Variants in KCND2 observed in about 807,000 individuals in gnomAD.
The protein encoded by KCND2 is A-type voltage-gated potassium channel KCND2.
Under a neutral mutation model 54.4 loss-of-function variants are expected in KCND2, and 16 were observed. The ratio of observed to expected loss-of-function variants is 0.29; its 90% CI spans 0.20 to 0.45. The LOEUF is 0.45. Ranked by LOEUF, KCND2 falls within the 20% of genes least tolerant of loss-of-function variation. KCND2 has a pLI of 1.00. For missense variants in KCND2, 486 were observed against 824.2 expected (o/e 0.59, Z 5.02); for synonymous variants, 317 against 310.7 (o/e 1.02, Z -0.21).
rs1799142930 is a variant in KCND2, at chr7:120,274,587, C to T, written c.-46C>T. ...GTGACTTTTGGCTGCTTCGGTGACC[C>T]ATTGTAGACGCCTCGTTACCCTTCT... On this transcript the variant is annotated 5_prime_UTR_variant, in exon 1 of 6. Transcript: ENST00000331113. 2 of 1,612,890 alleles carry T rather than the reference C, an allele frequency of 1.2e-6. No individual in the cohort carries two copies. The highest frequency in any genetic ancestry group is 3.3e-5 in the Admixed American group (2 of 60,002).
At chr7:120,421,350 G>T (rs1293064468) in intron 1 of KCND2, among the ~76,000 whole-genome samples, 1 of 152,194 alleles carries the variant, frequency 6.6e-6, no homozygotes, top group Non-Finnish European at 1.5e-5. Context: ...AATTTACCTA[G>T]AGATAATGAT....
intron 1 of KCND2, among the ~76,000 whole-genome samples, chr7:120,356,285 A>G (rs892757883): frequency 1.1e-4 from 17 of 152,162 alleles, no homozygotes; most frequent in Non-Finnish European, 2.1e-4. Flanking sequence ...CATTTTTTAC[A>G]AAGTCATGAA....
At chr7:120,304,777 G>T (rs1271435127) in intron 1 of KCND2, among the ~76,000 whole-genome samples, 1 of 151,906 alleles carries the variant, frequency 6.6e-6, no homozygotes, top group African/African-American at 2.4e-5. Context: ...GTTGAAACTA[G>T]CCATTGCACT....
intron 1 of KCND2, among the ~76,000 whole-genome samples, chr7:120,542,583 A>G (rs1791992702): frequency 6.6e-6 from 1 of 152,122 alleles, no homozygotes; most frequent in Non-Finnish European, 1.5e-5. Context: ...CCATTCATCC[A>G]TGTTCTATAT....
At chr7:120,716,259 A>G (rs1387597273) in intron 1 of KCND2, among the ~76,000 whole-genome samples, 1 of 152,152 alleles carries the variant, frequency 6.6e-6, no homozygotes, top group African/African-American at 2.4e-5. Context: ...CAAAAAAATG[A>G]ATAAAATTAG....
At chr7:120,609,251 C>T (rs1255007281) in intron 1 of KCND2, among the ~76,000 whole-genome samples, 6 of 152,068 alleles carry the variant, frequency 3.9e-5, no homozygotes, top group African/African-American at 1.4e-4. Context: ...CTTCCATTTC[C>T]CCTATGATAT....
chr7:120,588,679 CTG>C (rs968403149), intron 1 of KCND2, among the ~76,000 whole-genome samples: 2 of 152,124 alleles, frequency 1.3e-5, no homozygotes, highest in African/African-American at 2.4e-5. Flanking sequence ...GTGAAGAAAA[CTG>C]TGTTCAGTCA....
intron 1 of KCND2, among the ~76,000 whole-genome samples, chr7:120,693,032 C>T (rs1225739621): frequency 6.6e-6 from 1 of 152,076 alleles, no homozygotes; most frequent in African/African-American, 2.4e-5. Flanking sequence ...AAAAGATGAG[C>T]CAATGAAGCA....
intron 1 of KCND2, among the ~76,000 whole-genome samples, chr7:120,354,649 G>T (rs759149609): frequency 6.6e-6 from 1 of 152,208 alleles, no homozygotes; most frequent in Admixed American, 6.6e-5. Flanking sequence ...TTGAGGGGGA[G>T]GTGAGGTGGG....
chr7:120,668,625 G>T (rs948272233), intron 1 of KCND2, among the ~76,000 whole-genome samples: 8 of 151,978 alleles, frequency 5.3e-5, no homozygotes, highest in Non-Finnish European at 8.8e-5. Context: ...AATTTTAATA[G>T]AAATATGTTT....
At chr7:120,694,194 G>C (rs932467580) in intron 1 of KCND2, among the ~76,000 whole-genome samples, 6 of 152,118 alleles carry the variant, frequency 3.9e-5, no homozygotes, top group Non-Finnish European at 8.8e-5. Flanking sequence ...TGCAATAATT[G>C]TCTTCATTTC....
intron 1 of KCND2, among the ~76,000 whole-genome samples, chr7:120,605,815 C>G (rs1399380886): frequency 6.6e-6 from 1 of 152,160 alleles, no homozygotes; most frequent in African/African-American, 2.4e-5. Flanking sequence ...GTCCTTATGA[C>G]TAATGATATT....
At chr7:120,651,687 T>C (rs1791735818) in intron 1 of KCND2, among the ~76,000 whole-genome samples, 1 of 152,170 alleles carries the variant, frequency 6.6e-6, no homozygotes, top group Non-Finnish European at 1.5e-5. Flanking sequence ...AATGCGGAAA[T>C]CATCCATCTT....
chr7:120,336,025 T>C (rs1800146969), intron 1 of KCND2, among the ~76,000 whole-genome samples: 1 of 152,142 alleles, frequency 6.6e-6, no homozygotes, highest in South Asian at 2.1e-4. Context: ...ATGCAAAAAC[T>C]CAAAACCATA....
intron 1 of KCND2, among the ~76,000 whole-genome samples, chr7:120,629,338 T>C (rs1244779952): frequency 6.6e-6 from 1 of 152,076 alleles, no homozygotes; most frequent in African/African-American, 2.4e-5. Flanking sequence ...TACAAAAAAT[T>C]AGCCGGGCGT....
chr7:120,284,324 C>A (rs1799308493), intron 1 of KCND2, among the ~76,000 whole-genome samples: 1 of 152,024 alleles, frequency 6.6e-6, no homozygotes, highest in Non-Finnish European at 1.5e-5. Flanking sequence ...CACACTCCAA[C>A]CATTCGCTGG....
chr7:120,558,135 T>C (rs1424277936), intron 1 of KCND2, among the ~76,000 whole-genome samples: 2 of 152,172 alleles, frequency 1.3e-5, no homozygotes, highest in Admixed American at 1.3e-4. Flanking sequence ...ATACAAATTT[T>C]TATGGCATGT....
At chr7:120,727,355 A>T (rs1332417218) in intron 1 of KCND2, among the ~76,000 whole-genome samples, 2 of 152,208 alleles carry the variant, frequency 1.3e-5, no homozygotes, top group South Asian at 2.1e-4. Context: ...ATTATGTTTT[A>T]AAATTATGCA....
At chr7:120,525,301 T>C (rs1373684545) in intron 1 of KCND2, among the ~76,000 whole-genome samples, 2 of 152,150 alleles carry the variant, frequency 1.3e-5, no homozygotes, top group Non-Finnish European at 2.9e-5. Flanking sequence ...AATTGAGATG[T>C]TTACATTCTA....
Sources: gnomAD v4.1 joint callset for allele counts (sites outside exome capture counted in the v4.1 genomes callset) on GRCh38, gnomAD v4.1.1 for gene constraint, MANE v1.5 for transcripts, NCBI Gene and HGNC (gene_info 2026-07-23, HGNC 2026-07-21) for gene names.